RALGAPA1: variants seen among roughly 807,000 people sequenced by gnomAD.
RALGAPA1 encodes ral GTPase-activating protein subunit alpha-1.
In RALGAPA1, 52 loss-of-function variants were observed where a neutral mutation model predicts 269.6. The observed-to-expected ratio is 0.19, with a 90% CI of 0.15 to 0.24. RALGAPA1 has a LOEUF of 0.24. Ranked by LOEUF, RALGAPA1 falls within the 10% of genes least tolerant of loss-of-function variation. RALGAPA1 has a pLI of 1.00. For missense variants in RALGAPA1, 1,917 were observed against 3,013.9 expected, an observed-to-expected ratio of 0.64 and a Z score of 8.52; for synonymous variants, 817 against 1,008.3, an observed-to-expected ratio of 0.81 and a Z score of 3.60.
At chr14:35,702,600 C>A (rs1279517497) in intron 16 of RALGAPA1, among the ~76,000 whole-genome samples, 2 of 151,954 alleles carry the variant, frequency 1.3e-5, no homozygotes, top group African/African-American at 2.4e-5. Context: ...TACGTTGACT[C>A]CAACACAATC....
In RALGAPA1 at chr14:35,723,046, T is replaced by C; in HGVS notation, c.2085A>G (p.Gln695=). ...LPLDKLSEQK[Q]KKHKGKGVGH... ...TCTTACCTTTCCCTTTGTGCTTTTT[T>C]TGTTTCTGTTCACTCAGCTTATCCA... The change falls in exon 15 of 42, where the codon CAA becomes CAG. Residue 695 remains glutamine (Q), a synonymous_variant. Coordinates refer to ENST00000680220, the MANE Select transcript of RALGAPA1 (RefSeq NM_001346249.2). The C allele has an allele frequency of 6.3e-7, 1 of 1,598,482 alleles. No homozygotes were observed. The highest frequency in any genetic ancestry group is 8.6e-7 in the Non-Finnish European group (1 of 1,166,070).
At chr14:35,746,913 TG>T (rs1567144609) in intron 10 of RALGAPA1, among the ~76,000 whole-genome samples, 1 of 149,674 alleles carries the variant, frequency 6.7e-6, no homozygotes, top group South Asian at 2.1e-4. Context: ...GAATGGGGGC[TG>T]GGGGGAAAAG....
Position 35,728,623 on chromosome 14 carries a change from C to T in RALGAPA1, c.1588-113G>A, listed in dbSNP as rs192284346. ...TGGGTAAATTCTACAAGCTTAATAA[C>T]TGAAACATAAACTCATTAAACCTAC... On this transcript the variant is annotated intron_variant, in intron 12 of 41. Transcript: ENST00000680220. 21 of 1,358,224 alleles carry T rather than the reference C, an allele frequency of 1.5e-5. No homozygotes were observed. In the Middle Eastern group the frequency reaches 7.7e-4, roughly 50 times the overall value. 84.1% of individuals were successfully genotyped at this position (1,358,224 alleles called of 1,614,324 possible).
intron 38 of RALGAPA1, among the ~76,000 whole-genome samples, chr14:35,572,327 C>A (rs2057267910): frequency 6.6e-6 from 1 of 152,170 alleles, no homozygotes; most frequent in Non-Finnish European, 1.5e-5. Flanking sequence ...TTCACTCTGG[C>A]ACTACCTAGC....
At chr14:35,540,378 ATTAAC>A (rs2053860083) in intron 41 of RALGAPA1, among the ~76,000 whole-genome samples, 3 of 152,234 alleles carry the variant, frequency 2.0e-5, no homozygotes, top group Non-Finnish European at 1.5e-5. Context: ...TTTTGTTTTC[ATTAAC>A]TTAAACTTTT....
At chr14:35,704,342 C>A (rs1289719752) in intron 16 of RALGAPA1, among the ~76,000 whole-genome samples, 1 of 152,012 alleles carries the variant, frequency 6.6e-6, no homozygotes, top group East Asian at 1.9e-4. Flanking sequence ...GACATACTCT[C>A]CACATTTTTT....
intron 30 of RALGAPA1, among the ~76,000 whole-genome samples, chr14:35,652,272 G>A (rs2062877932): frequency 6.6e-6 from 1 of 151,840 alleles, no homozygotes; most frequent in Admixed American, 6.6e-5. Flanking sequence ...TTGGGAGCTT[G>A]GGCGACAGAG....
chr14:35,664,893 G>A, intron 26 of RALGAPA1, 126 bp from the exon 27 acceptor site: 7 of 750,638 alleles, frequency 9.3e-6, no homozygotes, highest in South Asian at 4.2e-5. Context: ...AAAAAGGAAA[G>A]GGAAAACACA....
intron 26 of RALGAPA1, among the ~76,000 whole-genome samples, chr14:35,665,667 T>C (rs1435245058): frequency 6.6e-6 from 1 of 152,122 alleles, no homozygotes; most frequent in East Asian, 1.9e-4. Context: ...GATTTAAAGA[T>C]ACAAGGCAGC....
chr14:35,599,869 T>TC (rs1279497110), intron 36 of RALGAPA1, among the ~76,000 whole-genome samples: 1 of 152,186 alleles, frequency 6.6e-6, no homozygotes, highest in Non-Finnish European at 1.5e-5. Flanking sequence ...TTTAATAGTT[T>TC]CCCCCCACAG....
intron 35 of RALGAPA1, among the ~76,000 whole-genome samples, chr14:35,612,774 G>A (rs1363324032): frequency 6.6e-6 from 1 of 152,072 alleles, no homozygotes; most frequent in Non-Finnish European, 1.5e-5. Flanking sequence ...TCCTGACCTC[G>A]TGATCCGCCC....
intron 31 of RALGAPA1, among the ~76,000 whole-genome samples, chr14:35,642,908 C>T (rs1017453609): frequency 1.3e-4 from 20 of 152,002 alleles, no homozygotes; most frequent in Non-Finnish European, 5.9e-5. Flanking sequence ...GCACTATTCA[C>T]GATAGCAAAG....
In RALGAPA1 at chr14:35,749,965, G is replaced by A. The variant is rs532658647; in HGVS notation, c.1011+517C>T. Among the ~76,000 whole-genome samples the A allele has an allele frequency of 2.5e-3, 382 of 152,168 alleles. 4 individuals carry two copies. Among genetic ancestry groups the A allele is most frequent in the Non-Finnish European group, 4.5e-3 (308 of 67,986 alleles). ...AGGGAAAATAGAAGATAAAAAAGAA[G>A]TATGAGGGAAAAAAGTAAACTGTTA... On this transcript the variant is annotated intron_variant, in intron 9 of 41. Transcript: ENST00000680220.
chr14:35,637,673 A>G (rs184610236), intron 31 of RALGAPA1, among the ~76,000 whole-genome samples: 27 of 152,330 alleles, frequency 1.8e-4, no homozygotes, highest in Non-Finnish European at 1.8e-4. Flanking sequence ...AAAACATAGA[A>G]CTTCCCAAAC....
At chr14:35,800,608 A>T (rs2076896489) in intron 1 of RALGAPA1, among the ~76,000 whole-genome samples, 1 of 152,244 alleles carries the variant, frequency 6.6e-6, no homozygotes, top group African/African-American at 2.4e-5. Context: ...TTATCACCAA[A>T]TGCCTACAGT....
chr14:35,645,941 T>C (rs1232175726), intron 31 of RALGAPA1, among the ~76,000 whole-genome samples: 4 of 152,044 alleles, frequency 2.6e-5, no homozygotes, highest in African/African-American at 9.7e-5. Flanking sequence ...TGGGGATTTA[T>C]GAAAAAGAAG....
At chr14:35,763,821 T>G (rs1170677673) in intron 4 of RALGAPA1, among the ~76,000 whole-genome samples, 2 of 151,832 alleles carry the variant, frequency 1.3e-5, no homozygotes, top group Non-Finnish European at 2.9e-5. Context: ...GGAATAAAAT[T>G]ACTTTCAGCT....
Position 35,548,572 on chromosome 14 carries a change from G to A in RALGAPA1, c.7622-34C>T, listed in dbSNP as rs778906354. 3.4e-6 allele frequency: 5 copies of A among 1,456,438 alleles called. No individual in the cohort carries two copies. In the East Asian group the frequency reaches 7.0e-5, roughly 20 times the overall value. The allele number at this position is 1,456,438 out of a possible 1,614,324, so 90.2% of individuals were successfully genotyped here. On this transcript the variant is annotated intron_variant, in intron 40 of 41. Transcript: ENST00000680220. ...GGAAAATAAATGAAACAATCATAAG[G>A]AGAGCAAGATATTACAGAATAGGAA...
At position 35,539,597 on chromosome 14, in the gene RALGAPA1, T is replaced by C. The variant is rs779899564; in HGVS notation, c.*117A>G. The C allele has an allele frequency of 6.2e-6, 10 of 1,613,934 alleles. No homozygotes were observed. Among genetic ancestry groups the C allele is most frequent in the South Asian group, 3.3e-5 (3 of 91,064 alleles). On this transcript the variant is annotated 3_prime_UTR_variant, in exon 42 of 42. Coordinates refer to ENST00000680220, the MANE Select transcript of RALGAPA1 (RefSeq NM_001346249.2). ...ACGCAGCTTCATGGACATGCGGCTTTTGCTAGTTCGAGGAGACATTGGAGA... is the reference window on the plus strand; with the variant it reads ...ACGCAGCTTCATGGACATGCGGCTTCTGCTAGTTCGAGGAGACATTGGAGA...
Sources: allele counts gnomAD v4.1 joint callset (sites outside exome capture counted in the v4.1 genomes callset), GRCh38; gene constraint gnomAD v4.1.1; transcripts MANE v1.5; gene names NCBI Gene and HGNC (gene_info 2026-07-23, HGNC 2026-07-21).